The following HMGA2 variants were observed in gnomAD, a reference collection of about 807,000 sequenced individuals.
HMGA2 encodes high mobility group AT-hook 2.
Under a neutral mutation model 19.1 loss-of-function variants are expected in HMGA2, and 8 were observed. The ratio of observed to expected loss-of-function variants is 0.42; its 90% CI spans 0.25 to 0.76. The LOEUF is 0.76. Among genes scored for constraint, HMGA2 ranks in the 30% least tolerant of loss-of-function variants. The pLI, the probability that HMGA2 is intolerant of heterozygous loss-of-function variation, is 0.28. For missense variants in HMGA2, 109 were observed against 136.3 expected, an observed-to-expected ratio of 0.80 and a Z score of 1.00; for synonymous variants, 60 against 48.8, an observed-to-expected ratio of 1.23 and a Z score of -0.96.
intron 3 of HMGA2, among the ~76,000 whole-genome samples, chr12:65,887,492 C>T (rs1011848143): frequency 7.3e-5 from 11 of 151,716 alleles, no homozygotes; most frequent in Admixed American, 2.0e-4. Flanking sequence ...AGGCTGAGGC[C>T]GGTGGATCAC....
intron 3 of HMGA2, among the ~76,000 whole-genome samples, chr12:65,892,257 C>A (rs894925445): frequency 1.2e-4 from 19 of 152,184 alleles, no homozygotes; most frequent in African/African-American, 4.6e-4. Context: ...TTAATGCCAG[C>A]ACACAGAGCA....
At chr12:65,834,254 C>A (rs1311336642) in intron 2 of HMGA2, among the ~76,000 whole-genome samples, 1 of 152,128 alleles carries the variant, frequency 6.6e-6, no homozygotes, top group Non-Finnish European at 1.5e-5. Flanking sequence ...CTTTGGGAAA[C>A]CTTTGAAGGG....
At chr12:65,945,900 G>T (rs1876247573) in intron 3 of HMGA2, among the ~76,000 whole-genome samples, 1 of 152,156 alleles carries the variant, frequency 6.6e-6, no homozygotes, top group South Asian at 2.1e-4. Context: ...AGATAAAACT[G>T]GCTACACTTG....
At chr12:65,887,936 C>T (rs1282549959) in intron 3 of HMGA2, among the ~76,000 whole-genome samples, 1 of 151,308 alleles carries the variant, frequency 6.6e-6, no homozygotes, top group Non-Finnish European at 1.5e-5. Flanking sequence ...TTGCCCCTTC[C>T]TTGCCATCAC....
intron 3 of HMGA2, among the ~76,000 whole-genome samples, chr12:65,899,263 T>C (rs1158692924): frequency 1.3e-5 from 2 of 152,188 alleles, no homozygotes; most frequent in Non-Finnish European, 2.9e-5. Flanking sequence ...AATATCCTTA[T>C]ATTTCATAGC....
chr12:65,867,600 A>G (rs568239486), intron 3 of HMGA2: 1 of 375,420 alleles, frequency 2.7e-6, no homozygotes, highest in Admixed American at 2.7e-5. Flanking sequence ...ACTGAAGAAC[A>G]CTTCTGCCAA....
At chr12:65,961,331 C>A (rs1340530321) in intron 4 of HMGA2, among the ~76,000 whole-genome samples, 1 of 152,176 alleles carries the variant, frequency 6.6e-6, no homozygotes, top group Non-Finnish European at 1.5e-5. Context: ...TGATCTTTGG[C>A]TCGTCTCTCT....
intron 3 of HMGA2, among the ~76,000 whole-genome samples, chr12:65,932,372 CA>C (rs1875745173): frequency 1.3e-5 from 2 of 152,218 alleles, no homozygotes; most frequent in African/African-American, 4.8e-5. Flanking sequence ...TGATTGTTAA[CA>C]TAAGCATCAC....
intron 3 of HMGA2, among the ~76,000 whole-genome samples, chr12:65,871,251 C>T (rs1872694730): frequency 6.6e-6 from 1 of 152,030 alleles, no homozygotes; most frequent in Non-Finnish European, 1.5e-5. Flanking sequence ...TAAAGTATTC[C>T]TGGGCCCAGC....
chr12:65,845,447 T>G (rs1311747775), intron 3 of HMGA2, among the ~76,000 whole-genome samples: 21 of 152,134 alleles, frequency 1.4e-4, no homozygotes, highest in Non-Finnish European at 4.4e-5. Context: ...TTTTGTTTTT[T>G]TAGTAGAGAC....
intron 2 of HMGA2, among the ~76,000 whole-genome samples, chr12:65,830,136 T>C (rs1308808888): frequency 6.6e-6 from 1 of 151,972 alleles, no homozygotes; most frequent in South Asian, 2.1e-4. Flanking sequence ...ACATGACTTA[T>C]TTTTCTTCAG....
intron 3 of HMGA2, among the ~76,000 whole-genome samples, chr12:65,923,649 C>G (rs1437855180): frequency 2.6e-5 from 4 of 152,300 alleles, no homozygotes; most frequent in Middle Eastern, 3.4e-3. Flanking sequence ...AACATAAGAG[C>G]CATTTTCTGG....
chr12:65,905,814 C>T (rs1021532339), intron 3 of HMGA2, among the ~76,000 whole-genome samples: 7 of 152,170 alleles, frequency 4.6e-5, no homozygotes, highest in African/African-American at 1.2e-4. Flanking sequence ...AATCTTACTA[C>T]TCAGAAGAAA....
At chr12:65,928,431 T>C (rs1875591968) in intron 3 of HMGA2, among the ~76,000 whole-genome samples, 1 of 152,202 alleles carries the variant, frequency 6.6e-6, no homozygotes, top group South Asian at 2.1e-4. Flanking sequence ...CTGTACACTA[T>C]GCAGACTTTG....
chr12:65,927,890 T>G lies in HMGA2; in HGVS notation c.250-23493T>G, dbSNP rs931615879. The stretch of plus-strand genomic sequence containing the variant: ...TATATATGTATGTATATATAAAATA[T>G]GTATGTATATATGTATGTATATACA... On this transcript the variant is annotated intron_variant, in intron 3 of 4. Coordinates refer to ENST00000403681, the MANE Select transcript of HMGA2 (RefSeq NM_003483.6). Among the ~76,000 whole-genome samples the G allele has an allele frequency of 2.7e-5, 4 of 148,728 alleles. No homozygotes were observed. In the South Asian group the frequency reaches 8.4e-4, roughly 31 times the overall value.
At chr12:65,951,709 C>T (rs1235851813) in intron 4 of HMGA2, 1 of 268,136 alleles carries the variant, frequency 3.7e-6, no homozygotes, top group African/African-American at 2.2e-5. Context: ...TTAATCTTAT[C>T]CTATATTTTA....
At chr12:65,839,860 A>G (rs537361858) in intron 3 of HMGA2, among the ~76,000 whole-genome samples, 83 of 152,284 alleles carry the variant, frequency 5.5e-4, no homozygotes, top group Non-Finnish European at 1.1e-3. Flanking sequence ...ACATTAGAAA[A>G]TTGTTCCATC....
At chr12:65,890,869 G>A (rs1873874536) in intron 3 of HMGA2, among the ~76,000 whole-genome samples, 1 of 151,938 alleles carries the variant, frequency 6.6e-6, no homozygotes, top group Admixed American at 6.6e-5. Context: ...GATCCCTGGT[G>A]TGCATCACCG....
intron 3 of HMGA2, among the ~76,000 whole-genome samples, chr12:65,862,298 C>A (rs958533132): frequency 6.6e-6 from 1 of 151,580 alleles, no homozygotes; most frequent in East Asian, 1.9e-4. Flanking sequence ...CACACACACA[C>A]ACACACACAT....
Sources: allele counts gnomAD v4.1 joint callset (sites outside exome capture counted in the v4.1 genomes callset), GRCh38; gene constraint gnomAD v4.1.1; transcripts MANE v1.5; gene names NCBI Gene and HGNC (gene_info 2026-07-23, HGNC 2026-07-21).